Variants in SMPX observed in about 807,000 individuals in gnomAD.
The protein encoded by SMPX is small muscle protein X-linked, also known as small muscular protein.
Under a neutral mutation model 6.3 loss-of-function variants are expected in SMPX, and 2 were observed. The observed-to-expected ratio is 0.32, with a 90% CI of 0.13 to 0.99. The LOEUF (loss-of-function observed/expected upper bound fraction) is 0.99. SMPX is among the 50% of genes least tolerant of loss of function. The pLI is 0.49. For synonymous variants in SMPX, 32 were observed against 24.7 expected (o/e 1.30, Z -0.88); for missense variants, 60 against 66.8 (o/e 0.90, Z 0.36).
At chrX:21,725,017 C>T (rs766361401) in intron 4 of SMPX, among the ~76,000 whole-genome samples, 1 of 112,421 alleles carries the variant, frequency 8.9e-6, no homozygotes, top group South Asian at 3.8e-4. Context: ...ATTGCCTGGC[C>T]TGTATGATGC....
chrX:21,747,105 TAAAC>T (rs1175719931), intron 2 of SMPX, among the ~76,000 whole-genome samples: 2 of 111,958 alleles, frequency 1.8e-5, no homozygotes, highest in South Asian at 3.7e-4. Flanking sequence ...TATGAAATAA[TAAAC>T]AAACAGAAAA....
At chrX:21,710,539 CA>C (rs2092777525) in intron 4 of SMPX, among the ~76,000 whole-genome samples, 1 of 111,841 alleles carries the variant, frequency 8.9e-6, no homozygotes, top group East Asian at 2.8e-4. Context: ...ACTTGTACCC[CA>C]AAAGCTATGA....
intron 4 of SMPX, among the ~76,000 whole-genome samples, chrX:21,715,262 CTGTG>C (rs34947234): frequency 0.095 from 8,996 of 94,465 alleles, 359 homozygotes; most frequent in Middle Eastern, 0.12. Flanking sequence ...TCACTCTGCT[CTGTG>C]TGTGTGTGTG....
intron 3 of SMPX, among the ~76,000 whole-genome samples, chrX:21,742,058 C>T (rs769393815): frequency 6.2e-5 from 7 of 112,117 alleles, no homozygotes; most frequent in Admixed American, 2.8e-4. Flanking sequence ...AACCAGGGGC[C>T]ATCTGTACCA....
chrX:21,729,247 C>T (rs1045277636), intron 4 of SMPX, among the ~76,000 whole-genome samples: 1 of 112,807 alleles, frequency 8.9e-6, no homozygotes, highest in African/African-American at 3.2e-5. Flanking sequence ...ATTTCTGTGA[C>T]GTGCAATGCA....
chrX:21,711,273 C>T (rs1047840654), intron 4 of SMPX, among the ~76,000 whole-genome samples: 2 of 111,431 alleles, frequency 1.8e-5, no homozygotes, highest in Non-Finnish European at 3.8e-5. Context: ...CTAAAATTGC[C>T]CACTCTGTAA....
intron 3 of SMPX, among the ~76,000 whole-genome samples, chrX:21,738,486 A>T (rs1187926691): frequency 9.1e-6 from 1 of 110,190 alleles, no homozygotes; most frequent in African/African-American, 3.3e-5. Context: ...AAAAAAAAAA[A>T]GTTGATTATT....
At chrX:21,708,562 G>A (rs1412540642) in intron 4 of SMPX, among the ~76,000 whole-genome samples, 2 of 112,136 alleles carry the variant, frequency 1.8e-5, no homozygotes, top group African/African-American at 6.5e-5. Flanking sequence ...AGATAGAAAA[G>A]CTGGGATTTT....
intron 4 of SMPX, among the ~76,000 whole-genome samples, chrX:21,729,440 G>A (rs901605506): frequency 8.9e-6 from 1 of 111,796 alleles, no homozygotes; most frequent in African/African-American, 3.3e-5. Flanking sequence ...CCTCACTAGA[G>A]GACAGTAGCA....
At chrX:21,740,652 T>C (rs2092815009) in intron 3 of SMPX, among the ~76,000 whole-genome samples, 1 of 112,273 alleles carries the variant, frequency 8.9e-6, no homozygotes, top group South Asian at 3.7e-4. Context: ...CTAAGTTACA[T>C]GTACTAACTC....
intron 2 of SMPX, among the ~76,000 whole-genome samples, chrX:21,745,677 G>A (rs773032116): frequency 1.8e-5 from 2 of 111,199 alleles, no homozygotes; most frequent in African/African-American, 3.3e-5. Flanking sequence ...ATCAATATAC[G>A]GACTATTTGG....
intron 4 of SMPX, among the ~76,000 whole-genome samples, chrX:21,708,151 C>T (rs2092774916): frequency 8.9e-6 from 1 of 112,488 alleles, no homozygotes; most frequent in Admixed American, 9.4e-5. Flanking sequence ...ATGGAATGCT[C>T]ACCTTTTGTA....
chrX:21,738,219 C>T lies in SMPX; in HGVS notation c.133-522G>A, dbSNP rs1344680120. Among the ~76,000 whole-genome samples, 12 of 111,816 alleles carry T rather than the reference C, an allele frequency of 1.1e-4. No homozygotes were observed. The Admixed American group carries it at 1.1e-3, about 11-fold the overall frequency. On this transcript the variant is annotated intron_variant, in intron 3 of 4. Coordinates refer to ENST00000379494, the MANE Select transcript of SMPX (RefSeq NM_014332.3). ...TTGGGAAGTATTTTAAATTTCCTAT[C>T]ATTGAATGTTATATTTTTGTTGCAA...
intron 4 of SMPX, among the ~76,000 whole-genome samples, chrX:21,735,479 T>C (rs1378283608): frequency 8.9e-6 from 1 of 111,893 alleles, no homozygotes; most frequent in African/African-American, 3.3e-5. Flanking sequence ...GTAACAAAAA[T>C]GTGTTCTGGA....
rs553134849 is a variant in SMPX at position 21,730,753 on chromosome X, C to T, written c.*14+6796G>A. Among the ~76,000 whole-genome samples, 4 of 111,911 alleles carry T rather than the reference C, an allele frequency of 3.6e-5. No individual in the cohort carries two copies. In the South Asian group the frequency reaches 1.1e-3, roughly 31 times the overall value. Reference sequence around the variant, plus strand: ...CAAAGTCAGTATTTTGCTAAAATGGCGATCTACTGGGCAATCATTTTTTAT... The same window carrying T: ...CAAAGTCAGTATTTTGCTAAAATGGTGATCTACTGGGCAATCATTTTTTAT... On this transcript the variant is annotated intron_variant, in intron 4 of 4. Coordinates refer to ENST00000379494, the MANE Select transcript of SMPX (RefSeq NM_014332.3).
intron 4 of SMPX, among the ~76,000 whole-genome samples, chrX:21,712,937 T>C (rs908017775): frequency 8.9e-6 from 1 of 112,065 alleles, no homozygotes; most frequent in African/African-American, 3.2e-5. Context: ...AGCAACCAAA[T>C]GGAAAACTAA....
At position 21,721,250 on chromosome X, in the gene SMPX, T is replaced by C. The variant is rs755934674; in HGVS notation, c.*15-14856A>G. On this transcript the variant is annotated intron_variant, in intron 4 of 4. Coordinates refer to ENST00000379494, the MANE Select transcript of SMPX (RefSeq NM_014332.3). ...CCTGACAAGACAGCACATTTATTAG[T>C]GGGAGCTAGAGTATTCTCAGCCCCT... Among the ~76,000 whole-genome samples the C allele has an allele frequency of 1.3e-4, 14 of 111,833 alleles. No homozygotes were observed. In the South Asian group the frequency reaches 5.0e-3, roughly 40 times the overall value.
chrX:21,706,350 A>G lies in SMPX; in HGVS notation c.*59T>C, dbSNP rs926387053. 7 of 456,876 alleles carry G rather than the reference A, an allele frequency of 1.5e-5. No homozygotes were observed. The highest frequency in any genetic ancestry group is 2.8e-5 in the Non-Finnish European group (7 of 253,750). 37.7% of individuals were successfully genotyped at this position (456,876 alleles called of 1,213,427 possible). On this transcript the variant is annotated 3_prime_UTR_variant, in exon 5 of 5. Transcript: ENST00000379494. ...CATACAAATATATAAAATTTTAGTG[A>G]GCTATTGAATCCATCTTCTGCCTCT... is the stretch of plus-strand genomic sequence containing the variant.
rs139550131 is a variant in SMPX, at chrX:21,715,326, G to A, written c.*15-8932C>T. Among the ~76,000 whole-genome samples, 367 of 109,609 alleles carry A rather than the reference G, an allele frequency of 3.3e-3. 8 individuals are homozygous for A. The highest frequency in any genetic ancestry group is 0.012 in the African/African-American group (341 of 29,477). On this transcript the variant is annotated intron_variant, in intron 4 of 4. Coordinates refer to ENST00000379494, the MANE Select transcript of SMPX (RefSeq NM_014332.3). Reference sequence around the variant, plus strand: ...TGTGCGCGCACGCGCGCGCGCTCGCGCGCTGGTGGGGGGTTAAACCACCTA... The same window carrying A: ...TGTGCGCGCACGCGCGCGCGCTCGCACGCTGGTGGGGGGTTAAACCACCTA...
Sources: allele counts gnomAD v4.1 joint callset (sites outside exome capture counted in the v4.1 genomes callset), GRCh38; gene constraint gnomAD v4.1.1; transcripts MANE v1.5; gene names NCBI Gene and HGNC (gene_info 2026-07-23, HGNC 2026-07-21).